TBC1D22A: variants seen among roughly 807,000 people sequenced by gnomAD.
The protein encoded by TBC1D22A is putative GTPase activator.
Under a neutral mutation model 60.2 loss-of-function variants are expected in TBC1D22A, and 38 were observed. That is an observed-to-expected ratio of 0.63 (90% CI 0.49 to 0.83). The LOEUF (loss-of-function observed/expected upper bound fraction) is 0.83. TBC1D22A is among the 40% of genes least tolerant of loss of function. The pLI, the probability that TBC1D22A is intolerant of heterozygous loss-of-function variation, is 0.00. For missense variants in TBC1D22A, 628 were observed against 701.0 expected (o/e 0.90, Z 1.18); for synonymous variants, 302 against 281.7 (o/e 1.07, Z -0.72).
Position 47,174,599 on chromosome 22 carries a change from TGGTTCCATCATGGACC to T in TBC1D22A, c.*980_*995del, listed in dbSNP as rs1301485889. The T allele has an allele frequency of 6.6e-6, 1 of 151,452 alleles. No individual in the cohort carries two copies. Among genetic ancestry groups the T allele is most frequent in the Non-Finnish European group, 1.5e-5 (1 of 67,838 alleles). 9.4% of individuals were successfully genotyped at this position (151,452 alleles called of 1,614,324 possible). A position where few individuals can be genotyped will look rare whatever the true frequency, so the allele number is the denominator to read the frequency against. On this transcript the variant is annotated 3_prime_UTR_variant, in exon 13 of 13. Coordinates refer to ENST00000337137, the MANE Select transcript of TBC1D22A (RefSeq NM_014346.5). ...CTGCCAGGTGTAGGGGAGGTGTGAC[TGGTTCCATCATGGACC>T]GGTTCCTCCATGGACCGGTTCCTCC...
intron 6 of TBC1D22A, among the ~76,000 whole-genome samples, chr22:46,893,772 T>A (rs1262876910): frequency 2.0e-5 from 3 of 152,168 alleles, no homozygotes; most frequent in Non-Finnish European, 4.4e-5. Context: ...CCTCCTCCTC[T>A]TCCTCCTCCT....
chr22:46,872,643 A>G (rs1654061916), intron 4 of TBC1D22A, among the ~76,000 whole-genome samples: 1 of 152,242 alleles, frequency 6.6e-6, no homozygotes, highest in African/African-American at 2.4e-5. Context: ...AAGCAGCAGC[A>G]TAAGTGGGGG....
At chr22:46,881,085 C>G (rs561900969) in intron 5 of TBC1D22A, among the ~76,000 whole-genome samples, 2 of 151,966 alleles carry the variant, frequency 1.3e-5, no homozygotes, top group Non-Finnish European at 2.9e-5. Context: ...GGAACACAGG[C>G]TGGGGTAGAG....
At position 47,151,967 on chromosome 22, in the gene TBC1D22A, CCGTGT is replaced by C. The variant is rs2067521826; in HGVS notation, c.1426-21530_1426-21526del. ...AGATAGAAGGGCCCACTGCAGAGGG[CCGTGT>C]GCATAGGAGCGTGTGCGGCCGTGGT... On this transcript the variant is annotated intron_variant, in intron 12 of 12. Transcript: ENST00000337137. 2.0e-5 allele frequency among the ~76,000 whole-genome samples: 3 copies of C among 152,296 alleles called. No homozygotes were observed. In the South Asian group the frequency reaches 6.2e-4, roughly 32 times the overall value.
chr22:46,778,590 G>C (rs2083802446), intron 1 of TBC1D22A, among the ~76,000 whole-genome samples: 1 of 152,008 alleles, frequency 6.6e-6, no homozygotes, highest in South Asian at 2.1e-4. Context: ...GGTCTTCGGG[G>C]GCAATAACAT....
At chr22:47,151,954 C>G (rs1407404455) in intron 12 of TBC1D22A, among the ~76,000 whole-genome samples, 1 of 152,142 alleles carries the variant, frequency 6.6e-6, no homozygotes, top group Non-Finnish European at 1.5e-5. Context: ...ATAGAAGGGC[C>G]CACTGCAGAG....
At chr22:46,934,516 G>T (rs2071534107) in intron 8 of TBC1D22A, among the ~76,000 whole-genome samples, 1 of 152,228 alleles carries the variant, frequency 6.6e-6, no homozygotes, top group African/African-American at 2.4e-5. Context: ...GCCAGAGAGA[G>T]CAGGAGTCTC....
In TBC1D22A at chr22:46,907,357, C is replaced by T. The variant is rs149183880; in HGVS notation, c.901-4717C>T. Among the ~76,000 whole-genome samples the T allele has an allele frequency of 4.7e-3, 717 of 152,308 alleles. 8 individuals carry two copies. The highest frequency in any genetic ancestry group is 8.7e-3 in the Non-Finnish European group (593 of 68,030). On this transcript the variant is annotated intron_variant, in intron 7 of 12. Transcript: ENST00000337137. ...TTTTCCACTCAGACAGGTGGGGGCC[C>T]TGAGGTCCTGACTGGTTGACGTTTG...
intron 8 of TBC1D22A, among the ~76,000 whole-genome samples, chr22:46,974,022 C>T (rs2074184970): frequency 6.6e-6 from 1 of 152,070 alleles, no homozygotes; most frequent in South Asian, 2.1e-4. Context: ...ATGTGAAATG[C>T]CTGAGAAGCA....
chr22:47,094,001 G>C (rs933637850), intron 11 of TBC1D22A, among the ~76,000 whole-genome samples: 2 of 152,166 alleles, frequency 1.3e-5, no homozygotes, highest in Non-Finnish European at 2.9e-5. Context: ...AAACATAGCA[G>C]GGACGAAAAG....
chr22:47,059,065 G>C (rs1028751189), intron 11 of TBC1D22A, among the ~76,000 whole-genome samples: 2 of 152,232 alleles, frequency 1.3e-5, no homozygotes, highest in Non-Finnish European at 2.9e-5. Flanking sequence ...GTCATCCTGA[G>C]AGCTGCTGCG....
intron 9 of TBC1D22A, among the ~76,000 whole-genome samples, chr22:46,995,756 G>A (rs1398196010): frequency 6.6e-6 from 1 of 152,090 alleles, no homozygotes; most frequent in Admixed American, 6.5e-5. Flanking sequence ...TCCTCCACCT[G>A]CGGATTCTGT....
At chr22:46,800,604 CAG>C (rs1229550107) in intron 4 of TBC1D22A, among the ~76,000 whole-genome samples, 1 of 152,184 alleles carries the variant, frequency 6.6e-6, no homozygotes, top group East Asian at 1.9e-4. Context: ...ATCCTGCTCT[CAG>C]AGTTCTTGTT....
intron 10 of TBC1D22A, among the ~76,000 whole-genome samples, chr22:47,019,706 G>A (rs981594028): frequency 1.2e-4 from 19 of 152,004 alleles, no homozygotes; most frequent in Admixed American, 1.2e-3. Flanking sequence ...GGTTTGGAAA[G>A]TGCTTTTCCC....
intron 7 of TBC1D22A, among the ~76,000 whole-genome samples, chr22:46,896,170 C>T (rs903923245): frequency 2.6e-5 from 4 of 152,176 alleles, no homozygotes; most frequent in African/African-American, 4.8e-5. Flanking sequence ...CCCCCTTCTG[C>T]GAAATGTTCC....
At chr22:46,944,239 A>G (rs2072366583) in intron 8 of TBC1D22A, among the ~76,000 whole-genome samples, 1 of 152,190 alleles carries the variant, frequency 6.6e-6, no homozygotes, top group South Asian at 2.1e-4. Context: ...TACTGGGTAT[A>G]AAGTGGTAGC....
rs145895021 is a variant in TBC1D22A at position 46,835,761 on chromosome 22, A to G, written c.637+38141A>G. Among the ~76,000 whole-genome samples the G allele has an allele frequency of 2.5e-3, 379 of 152,312 alleles. 1 individual carries two copies. The highest frequency in any genetic ancestry group is 8.6e-3 in the African/African-American group (359 of 41,562). On this transcript the variant is annotated intron_variant, in intron 4 of 12. Coordinates refer to ENST00000337137, the MANE Select transcript of TBC1D22A (RefSeq NM_014346.5). Reference sequence around the variant, plus strand: ...TGGGACCCCAAACAGATTGAATGTGAAAAAGTCTATACTGAAACACAATAT... The same window carrying G: ...TGGGACCCCAAACAGATTGAATGTGGAAAAGTCTATACTGAAACACAATAT...
chr22:46,853,618 T>C (rs2087406645), intron 4 of TBC1D22A, among the ~76,000 whole-genome samples: 1 of 152,220 alleles, frequency 6.6e-6, no homozygotes, highest in Admixed American at 6.5e-5. Flanking sequence ...GGTTTTTACT[T>C]ACTTCGCTGA....
chr22:47,023,579 A>G (rs1265640860), intron 10 of TBC1D22A, among the ~76,000 whole-genome samples: 4 of 152,242 alleles, frequency 2.6e-5, no homozygotes, highest in Non-Finnish European at 5.9e-5. Flanking sequence ...ACTAATATAA[A>G]GAAAACATCA....
Sources: allele counts gnomAD v4.1 joint callset (sites outside exome capture counted in the v4.1 genomes callset), GRCh38; gene constraint gnomAD v4.1.1; transcripts MANE v1.5; gene names NCBI Gene and HGNC (gene_info 2026-07-23, HGNC 2026-07-21).